The following ROBO2 variants were observed in gnomAD, a reference collection of about 807,000 sequenced individuals.
ROBO2 encodes the protein roundabout guidance receptor 2, also known as roundabout homolog 2.
ROBO2 carries 53 observed loss-of-function variants against 160.8 expected under a neutral mutation model. The observed-to-expected ratio is 0.33, with a 90% CI of 0.26 to 0.41. ROBO2 has a LOEUF of 0.41. Ranked by LOEUF, ROBO2 falls within the 10% of genes least tolerant of loss-of-function variation. The probability of loss-of-function intolerance (pLI) is 1.00; values close to 1 mark genes in which losing one functional copy is unlikely to be tolerated. For synonymous variants in ROBO2, 664 were observed against 611.7 expected (o/e 1.09, Z -1.26); for missense variants, 1,577 against 1,722.4 (o/e 0.92, Z 1.49).
rs1236080963 is a variant in ROBO2, at chr3:75,985,769, C to G, written c.109+48167C>G. On this transcript the variant is annotated intron_variant, in intron 2 of 26. Transcript: ENST00000487694. ...CTTTTCGTCTGTGATTTTGACTATT[C>G]TAAGAACCTCATATAAATGAAATCA... Among the ~76,000 whole-genome samples, 7 of 151,688 alleles carry G rather than the reference C, an allele frequency of 4.6e-5. No individual in the cohort carries two copies. The East Asian group carries it at 1.2e-3, about 25-fold the overall frequency.
At chr3:76,042,368 T>C (rs1051085265) in intron 2 of ROBO2, among the ~76,000 whole-genome samples, 7 of 152,066 alleles carry the variant, frequency 4.6e-5, no homozygotes, top group African/African-American at 1.7e-4. Flanking sequence ...GAGATTAAAA[T>C]AGAAACTGAA....
At chr3:77,335,314 C>T (rs1383721821) in intron 2 of ROBO2, among the ~76,000 whole-genome samples, 6 of 151,968 alleles carry the variant, frequency 3.9e-5, no homozygotes, top group East Asian at 1.9e-4. Context: ...GGCTGAGGCA[C>T]GAGAATCGCT....
chr3:77,520,173 A>G (rs1205795835), intron 5 of ROBO2, among the ~76,000 whole-genome samples: 2 of 151,388 alleles, frequency 1.3e-5, no homozygotes, highest in Non-Finnish European at 3.0e-5. Context: ...TTTGCTGAAT[A>G]TGAAATTATT....
At chr3:76,256,310 TC>T (rs1706362846) in intron 2 of ROBO2, among the ~76,000 whole-genome samples, 2 of 32,182 alleles carry the variant, frequency 6.2e-5, no homozygotes, top group Admixed American at 5.3e-4. Context: ...TCTCTCTCTC[TC>T]TCTCTCTCTC....
chr3:77,141,201 C>T (rs1043898391), intron 2 of ROBO2, among the ~76,000 whole-genome samples: 30 of 152,034 alleles, frequency 2.0e-4, no homozygotes, highest in African/African-American at 7.2e-4. Flanking sequence ...AAATGTAATG[C>T]GTTGTGAGTC....
chr3:77,240,693 C>T (rs146041241), intron 2 of ROBO2, among the ~76,000 whole-genome samples: 3 of 152,210 alleles, frequency 2.0e-5, no homozygotes, highest in African/African-American at 7.2e-5. Flanking sequence ...GATGTGGAAC[C>T]CATGGATATG....
intron 2 of ROBO2, among the ~76,000 whole-genome samples, chr3:77,155,080 T>TAAAA (rs200793672): frequency 0.013 from 1,961 of 151,960 alleles, 65 homozygotes; most frequent in African/African-American, 0.044. Context: ...AATAAATAAA[T>TAAAA]AAAATGGATT....
At chr3:77,545,666 G>A (rs1372900200) in intron 6 of ROBO2, among the ~76,000 whole-genome samples, 1 of 151,992 alleles carries the variant, frequency 6.6e-6, no homozygotes, top group African/African-American at 2.4e-5. Flanking sequence ...TATCTTTAGT[G>A]CCCAGTAGGG....
At chr3:77,317,502 T>G in intron 2 of ROBO2, 1 of 1,468,204 alleles carries the variant, frequency 6.8e-7, no homozygotes, top group East Asian at 2.3e-5. Flanking sequence ...CGATCCATCC[T>G]CAGATTTCGT....
intron 2 of ROBO2, among the ~76,000 whole-genome samples, chr3:76,160,506 T>A (rs2072585110): frequency 6.6e-6 from 1 of 152,214 alleles, no homozygotes; most frequent in Non-Finnish European, 1.5e-5. Context: ...CCTCACAAGT[T>A]GATGTGGATG....
chr3:76,601,520 A>G (rs1052950267), intron 2 of ROBO2, among the ~76,000 whole-genome samples: 5 of 152,234 alleles, frequency 3.3e-5, no homozygotes, highest in African/African-American at 1.2e-4. Flanking sequence ...CACCACATGG[A>G]AACTTCCAAG....
At chr3:76,876,792 C>A (rs763157614) in intron 2 of ROBO2, among the ~76,000 whole-genome samples, 15 of 151,930 alleles carry the variant, frequency 9.9e-5, no homozygotes, top group Non-Finnish European at 2.1e-4. Context: ...CAAAATAAGA[C>A]CCTATCCAGA....
intron 2 of ROBO2, among the ~76,000 whole-genome samples, chr3:76,451,506 T>C (rs6785021): frequency 0.42 from 63,785 of 151,910 alleles, 13,579 homozygotes; most frequent in African/African-American, 0.49. Flanking sequence ...TTCTTCAAAC[T>C]ATGACCTTAG....
intron 8 of ROBO2, among the ~76,000 whole-genome samples, chr3:77,556,289 AT>A (rs1216817133): frequency 6.6e-6 from 1 of 151,882 alleles, no homozygotes. Context: ...CTACTTCAAT[AT>A]TTTCTTAAAA....
chr3:77,282,911 T>A (rs1173860352), intron 2 of ROBO2, among the ~76,000 whole-genome samples: 1 of 151,822 alleles, frequency 6.6e-6, no homozygotes, highest in East Asian at 1.9e-4. Context: ...TATCTAATTA[T>A]TGGAACTTTT....
intron 11 of ROBO2, among the ~76,000 whole-genome samples, chr3:77,564,061 T>C (rs1477295834): frequency 1.3e-5 from 2 of 152,112 alleles, no homozygotes; most frequent in Non-Finnish European, 2.9e-5. Context: ...TAACCACTGT[T>C]TTTTTTAAAC....
intron 2 of ROBO2, among the ~76,000 whole-genome samples, chr3:76,316,676 T>C (rs1049406110): frequency 2.6e-5 from 4 of 152,174 alleles, no homozygotes; most frequent in African/African-American, 9.7e-5. Context: ...GCATAAGAAA[T>C]TATAAGAGTA....
chr3:76,956,653 T>C (rs758100059), intron 2 of ROBO2, among the ~76,000 whole-genome samples: 2 of 151,772 alleles, frequency 1.3e-5, no homozygotes, highest in Non-Finnish European at 2.9e-5. Flanking sequence ...TGTGGGATTA[T>C]AGTTAGAAGG....
intron 2 of ROBO2, among the ~76,000 whole-genome samples, chr3:76,645,064 T>C (rs2090898395): frequency 6.6e-6 from 1 of 152,218 alleles, no homozygotes; most frequent in Non-Finnish European, 1.5e-5. Context: ...GTGTACAGGC[T>C]CTGTGCTCCA....
Sources: gnomAD v4.1 joint callset for allele counts (sites outside exome capture counted in the v4.1 genomes callset) on GRCh38, gnomAD v4.1.1 for gene constraint, MANE v1.5 for transcripts, NCBI Gene and HGNC (gene_info 2026-07-23, HGNC 2026-07-21) for gene names.